SF3B1: variants seen among roughly 807,000 people sequenced by gnomAD.
SF3B1 encodes the protein pre-mRNA processing 10.
SF3B1 carries 12 observed loss-of-function variants against 153.8 expected under a neutral mutation model. That is an observed-to-expected ratio of 0.08 (90% CI 0.05 to 0.13). The LOEUF (loss-of-function observed/expected upper bound fraction) is 0.13, where lower values mean the gene tolerates loss of function less well. Ranked by LOEUF, SF3B1 falls within the 10% of genes least tolerant of loss-of-function variation. The pLI, the probability that SF3B1 is intolerant of heterozygous loss-of-function variation, is 1.00. For missense variants in SF3B1, 513 were observed against 1,606.1 expected (o/e 0.32, Z 11.63); for synonymous variants, 498 against 525.2 (o/e 0.95, Z 0.71).
At chr2:197,393,440 A>G (rs924737273) in intron 23 of SF3B1, 5 of 477,216 alleles carry the variant, frequency 1.0e-5, no homozygotes, top group African/African-American at 6.0e-5. Flanking sequence ...CAATTAAGCC[A>G]TATTTTCTAA....
At chr2:197,424,328 C>T (rs1320014824) in intron 1 of SF3B1, among the ~76,000 whole-genome samples, 1 of 151,998 alleles carries the variant, frequency 6.6e-6, no homozygotes, top group Non-Finnish European at 1.5e-5. Flanking sequence ...AGCGAAACCC[C>T]GTCTCTACTA....
intron 1 of SF3B1, among the ~76,000 whole-genome samples, chr2:197,433,047 T>G (rs1349841153): frequency 6.6e-6 from 1 of 152,144 alleles, no homozygotes; most frequent in African/African-American, 2.4e-5. Flanking sequence ...CCAAAAAGCA[T>G]TAATTCTGCT....
rs1290835859 is a variant in SF3B1, at chr2:197,390,207, T to G, written c.*2096A>C. 1 of 152,154 alleles carries G rather than the reference T, an allele frequency of 6.6e-6. No homozygotes were observed. Among genetic ancestry groups the G allele is most frequent in the Non-Finnish European group, 1.5e-5 (1 of 68,030 alleles). The allele number at this position is 152,154 out of a possible 1,614,324, so 9.4% of individuals were successfully genotyped here. A position where few individuals can be genotyped will look rare whatever the true frequency, so the allele number is the denominator to read the frequency against. ...AAATTATTTGCATCAGTAAAAAAAG[T>G]TAATTAAGGTGTAACAGTCTCCTTT... On this transcript the variant is annotated 3_prime_UTR_variant, in exon 25 of 25. Coordinates refer to ENST00000335508, the MANE Select transcript of SF3B1 (RefSeq NM_012433.4).
intron 2 of SF3B1, among the ~76,000 whole-genome samples, chr2:197,421,779 A>G (rs1037045353): frequency 3.3e-5 from 5 of 152,232 alleles, no homozygotes; most frequent in African/African-American, 1.2e-4. Context: ...GGAGTTCAAG[A>G]CCAGCCTGGG....
At position 197,409,837 on chromosome 2, in the gene SF3B1, T is replaced by G; in HGVS notation, c.837A>C (p.Pro279=). ...CACTGGAAGTTGCGCCTCCATGGCC[T>G]GGTGTCGCATGGCCTGGTGTATCAC... ...GRGDTPGHAT[P]GHGGATSSAR... is the part of the protein sequence containing the mutation. The change falls in exon 7 of 25, where the codon CCA becomes CCC. Residue 279 remains proline (P), a synonymous_variant. Coordinates refer to ENST00000335508, the MANE Select transcript of SF3B1 (RefSeq NM_012433.4). The G allele has an allele frequency of 2.5e-6, 4 of 1,614,112 alleles. No individual in the cohort carries two copies. The highest frequency in any genetic ancestry group is 3.4e-6 in the Non-Finnish European group (4 of 1,179,984).
At chr2:197,425,191 C>A (rs538879230) in intron 1 of SF3B1, among the ~76,000 whole-genome samples, 2 of 152,154 alleles carry the variant, frequency 1.3e-5, no homozygotes, top group African/African-American at 4.8e-5. Context: ...TTAGGCCGGG[C>A]GCAGTGGCTC....
At chr2:197,425,402 G>A (rs2085317774) in intron 1 of SF3B1, among the ~76,000 whole-genome samples, 2 of 152,182 alleles carry the variant, frequency 1.3e-5, no homozygotes, top group Non-Finnish European at 2.9e-5. Flanking sequence ...GAAGGTGGAG[G>A]TTGCAGTAAG....
intron 2 of SF3B1, among the ~76,000 whole-genome samples, chr2:197,421,488 CTTTT>C (rs969185720): frequency 1.8e-4 from 27 of 152,116 alleles, no homozygotes; most frequent in Admixed American, 2.6e-4. Context: ...TTTCTACTTT[CTTTT>C]TTTAACTCAT....
At chr2:197,419,091 T>C (rs2085199887) in intron 4 of SF3B1, 1 of 619,996 alleles carries the variant, frequency 1.6e-6, no homozygotes, top group Non-Finnish European at 2.8e-6. Context: ...CTAAAACAAT[T>C]GTAGTTTAGA....
At chr2:197,415,604 T>C (rs1403129643) in intron 6 of SF3B1, among the ~76,000 whole-genome samples, 1 of 152,096 alleles carries the variant, frequency 6.6e-6, no homozygotes, top group African/African-American at 2.4e-5. Flanking sequence ...TTCTAAAAAA[T>C]CAATTTTAAA....
intron 5 of SF3B1, among the ~76,000 whole-genome samples, chr2:197,418,140 G>C (rs2085180367): frequency 6.7e-6 from 1 of 148,494 alleles, no homozygotes; most frequent in Admixed American, 6.9e-5. Context: ...GGAGGCTGAA[G>C]TGGGAGGATA....
Position 197,408,353 on chromosome 2 carries a change from A to C in SF3B1, c.1117+16T>G. On this transcript the variant is annotated intron_variant, in intron 8 of 24. Coordinates refer to ENST00000335508, the MANE Select transcript of SF3B1 (RefSeq NM_012433.4). Reference sequence around the variant, plus strand: ...TATGGAGAAAAAAACAATTATGTCCAATGAGACAGTTCTACCTGGAGTAGG... The same window carrying C: ...TATGGAGAAAAAAACAATTATGTCCCATGAGACAGTTCTACCTGGAGTAGG... 1 of 1,610,312 alleles carries C rather than the reference A, an allele frequency of 6.2e-7. No individual in the cohort carries two copies. Among genetic ancestry groups the C allele is most frequent in the Non-Finnish European group, 8.5e-7 (1 of 1,176,622 alleles).
intron 5 of SF3B1, among the ~76,000 whole-genome samples, chr2:197,418,234 C>CAAAA (rs59644092): frequency 0.016 from 599 of 36,352 alleles, 134 homozygotes; most frequent in Non-Finnish European, 0.021. Context: ...AGACTGTGTC[C>CAAAA]AAAAAAAAAA....
chr2:197,431,376 T>TC (rs1409197543), intron 1 of SF3B1, among the ~76,000 whole-genome samples: 1 of 152,172 alleles, frequency 6.6e-6, no homozygotes, highest in East Asian at 1.9e-4. Context: ...CACCTCAGCC[T>TC]CCCAAAGTGC....
At chr2:197,398,947 T>A (rs766742812) in intron 20 of SF3B1, 2 of 817,338 alleles carry the variant, frequency 2.4e-6, no homozygotes, top group Middle Eastern at 2.7e-4. Flanking sequence ...AAAGCAAAAA[T>A]TTCCAGAAAG....
chr2:197,423,040 C>T (rs1021291921), intron 2 of SF3B1, among the ~76,000 whole-genome samples: 1 of 152,084 alleles, frequency 6.6e-6, no homozygotes, highest in South Asian at 2.1e-4. Flanking sequence ...GAAAGGCAGT[C>T]CTCCTCCATA....
rs146479896 is a variant in SF3B1 at position 197,423,117 on chromosome 2, T to C, written c.195+691A>G. Among the ~76,000 whole-genome samples the C allele has an allele frequency of 4.5e-3, 680 of 152,280 alleles. 4 individuals carry two copies. Among genetic ancestry groups the C allele is most frequent in the South Asian group, 0.01 (49 of 4,826 alleles). On this transcript the variant is annotated intron_variant, in intron 2 of 24. Coordinates refer to ENST00000335508, the MANE Select transcript of SF3B1 (RefSeq NM_012433.4). ...AAGAAAAATTCCAGGCTGGGCGCAG[T>C]GGCTCAAGCCTGTAATCGCAGCACT...
At chr2:197,429,370 A>C (rs1328689598) in intron 1 of SF3B1, among the ~76,000 whole-genome samples, 1 of 152,208 alleles carries the variant, frequency 6.6e-6, no homozygotes, top group Admixed American at 6.5e-5. Context: ...GTAGTATTCC[A>C]TTGTACTACA....
intron 6 of SF3B1, among the ~76,000 whole-genome samples, chr2:197,410,649 G>A (rs1010521582): frequency 6.6e-6 from 1 of 151,300 alleles, no homozygotes; most frequent in Non-Finnish European, 1.5e-5. Context: ...GGGGTTACAG[G>A]TGCCTGCCAC....
Sources: allele counts gnomAD v4.1 joint callset (sites outside exome capture counted in the v4.1 genomes callset), GRCh38; gene constraint gnomAD v4.1.1; transcripts MANE v1.5; gene names NCBI Gene and HGNC (gene_info 2026-07-23, HGNC 2026-07-21).